ACACA: variants seen among roughly 807,000 people sequenced by gnomAD.
ACACA encodes acetyl-CoA carboxylase 1.
In ACACA, 103 loss-of-function variants were observed where a neutral mutation model predicts 296.1. The observed-to-expected ratio is 0.35, with a 90% CI of 0.30 to 0.41. The LOEUF (loss-of-function observed/expected upper bound fraction) is 0.41. ACACA is among the 10% of genes least tolerant of loss of function. ACACA has a pLI of 1.00. For missense variants in ACACA, 1,554 were observed against 2,989.7 expected (o/e 0.52, Z 11.20); for synonymous variants, 953 against 1,038.6 (o/e 0.92, Z 1.58).
chr17:37,229,501 C>CA (rs2079737938), intron 25 of ACACA, among the ~76,000 whole-genome samples: 1 of 151,716 alleles, frequency 6.6e-6, no homozygotes, highest in Non-Finnish European at 1.5e-5. Flanking sequence ...GATGGGGTTT[C>CA]ACCGTGTTAA....
intron 3 of ACACA, among the ~76,000 whole-genome samples, chr17:37,315,525 C>T (rs1183242606): frequency 6.6e-6 from 1 of 152,186 alleles, no homozygotes; most frequent in Non-Finnish European, 1.5e-5. Flanking sequence ...ACTTCAGATA[C>T]CAGTTGCAAA....
At chr17:37,197,544 C>T (rs952635936) in intron 35 of ACACA, among the ~76,000 whole-genome samples, 45 of 152,140 alleles carry the variant, frequency 3.0e-4, no homozygotes, top group African/African-American at 1.0e-3. Flanking sequence ...CTCTTTTTCA[C>T]AGTACACTAA....
At chr17:37,136,685 GT>G (rs2075347013) in intron 45 of ACACA, among the ~76,000 whole-genome samples, 1 of 152,058 alleles carries the variant, frequency 6.6e-6, no homozygotes, top group Non-Finnish European at 1.5e-5. Context: ...GCTCACACCT[GT>G]AATCCCAGCA....
At chr17:37,191,955 C>A (rs1361651892) in intron 37 of ACACA, 135 bp downstream of exon 37, 10 of 909,290 alleles carry the variant, frequency 1.1e-5, no homozygotes, top group Non-Finnish European at 1.3e-5. Context: ...GAACAAGAAC[C>A]TTGATTCAAA....
At chr17:37,221,601 AT>A in intron 29 of ACACA, 122 bp downstream of exon 29, 1 of 861,356 alleles carries the variant, frequency 1.2e-6, no homozygotes, top group South Asian at 1.4e-5. Flanking sequence ...TTTGGTTCAT[AT>A]TGTTCATTTT....
chr17:37,143,629 A>AG, intron 45 of ACACA: 2 of 867,694 alleles, frequency 2.3e-6, no homozygotes, highest in Non-Finnish European at 3.6e-6. Flanking sequence ...AGTTGTATAC[A>AG]GGGGGGTTAA....
intron 9 of ACACA, 40 bp from the exon 10 acceptor site, chr17:37,270,901 T>C (rs768652521): frequency 6.6e-7 from 1 of 1,515,680 alleles, no homozygotes; most frequent in South Asian, 1.1e-5. Context: ...GAAACAGTGT[T>C]ATTACCAGGG....
At position 37,265,372 on chromosome 17, in the gene ACACA, C is replaced by T. The variant is rs191253715; in HGVS notation, c.1120-1478G>A. Among the ~76,000 whole-genome samples, 202 of 152,248 alleles carry T rather than the reference C, an allele frequency of 1.3e-3. 3 individuals carry two copies. Among genetic ancestry groups the T allele is most frequent in the Non-Finnish European group, 2.4e-4 (16 of 68,018 alleles). On this transcript the variant is annotated intron_variant, in intron 10 of 55. Coordinates refer to ENST00000616317, the MANE Select transcript of ACACA (RefSeq NM_198834.3). ...ACCTCCCACATGCAAAATAGACTCACCCCCTCCCAAGACCCCCAAAGTCTC... is the reference window on the plus strand; with the variant it reads ...ACCTCCCACATGCAAAATAGACTCATCCCCTCCCAAGACCCCCAAAGTCTC...
In ACACA at chr17:37,188,300, C is replaced by T; in HGVS notation, c.4753G>A (p.Val1585Met). ...YYLDISLYKE[V>M]TDSRTAQIMF... The stretch of plus-strand genomic sequence containing the variant: ...ACCTGTGCTGTCCTGGAGTCAGTCA[C>T]TTCCTTGTATAGGCTGATATCCAAG... Residue 1585 changes from valine to methionine, a missense_variant, in exon 39 of 56, where the codon GTG becomes ATG. Val to Met is a conservative substitution (Grantham distance 21, BLOSUM62 1). Transcript: ENST00000616317. 6.2e-7 allele frequency: 1 copy of T among 1,614,108 alleles called. No homozygotes were observed. Among genetic ancestry groups the T allele is most frequent in the Non-Finnish European group, 8.5e-7 (1 of 1,180,006 alleles).
chr17:37,195,019 T>G (rs533250864), intron 35 of ACACA, among the ~76,000 whole-genome samples: 1 of 151,804 alleles, frequency 6.6e-6, no homozygotes, highest in Non-Finnish European at 1.5e-5. Flanking sequence ...TCGATAAATA[T>G]CATGCTCATG....
intron 3 of ACACA, among the ~76,000 whole-genome samples, chr17:37,289,744 T>A (rs1009035757): frequency 6.6e-6 from 1 of 152,194 alleles, no homozygotes; most frequent in African/African-American, 2.4e-5. Flanking sequence ...AATTCATTCT[T>A]CAAAATGCAA....
In ACACA at chr17:37,374,577, G is replaced by A. The variant is rs2049927160; in HGVS notation, c.38+31685C>T. ...GCTGGGATTACAGGCGTGAGCCACC[G>A]CGCCCGGCCCTTCATTCTCTTTTAT... On this transcript the variant is annotated intron_variant, in intron 1 of 55. Transcript: ENST00000616317. Among the ~76,000 whole-genome samples the A allele has an allele frequency of 3.9e-5, 6 of 152,106 alleles. 2 individuals carry two copies. The highest frequency in any genetic ancestry group is 3.9e-4 in the Admixed American group (6 of 15,262).
intron 1 of ACACA, among the ~76,000 whole-genome samples, chr17:37,398,545 A>G (rs1278444298): frequency 1.5e-5 from 2 of 137,106 alleles, no homozygotes; most frequent in Middle Eastern, 3.5e-3. Flanking sequence ...TTGGCCTCCA[A>G]AAGTGCTGGG....
intron 54 of ACACA, among the ~76,000 whole-genome samples, chr17:37,095,233 A>T (rs1258483384): frequency 6.6e-6 from 1 of 152,214 alleles, no homozygotes; most frequent in African/African-American, 2.4e-5. Flanking sequence ...TCTTAACTGG[A>T]GGACAAACTC....
chr17:37,153,345 GCAC>G (rs2144199670), intron 43 of ACACA, among the ~76,000 whole-genome samples: 1 of 152,262 alleles, frequency 6.6e-6, no homozygotes, highest in Non-Finnish European at 1.5e-5. Flanking sequence ...ACTCCCAGAA[GCAC>G]TACAAGATAT....
intron 29 of ACACA, among the ~76,000 whole-genome samples, chr17:37,214,233 G>C (rs2078884959): frequency 6.6e-6 from 1 of 152,144 alleles, no homozygotes; most frequent in African/African-American, 2.4e-5. Context: ...ATTTCTGCAG[G>C]AAAATCCAAA....
At chr17:37,368,058 G>A (rs2049670553) in intron 1 of ACACA, among the ~76,000 whole-genome samples, 1 of 151,676 alleles carries the variant, frequency 6.6e-6, no homozygotes, top group African/African-American at 2.4e-5. Context: ...GACAGAGTGA[G>A]ACTCCGTCTC....
chr17:37,333,343 AGAAAG>A (rs200168050), intron 2 of ACACA, among the ~76,000 whole-genome samples: 18,646 of 151,858 alleles, frequency 0.12, 1,755 homozygotes, highest in East Asian at 0.44. Flanking sequence ...CGGTGTCATC[AGAAAG>A]GAAAGGAAAG....
Position 37,113,923 on chromosome 17 carries a change from G to T in ACACA, c.6275-658C>A, listed in dbSNP as rs957184286. ...TCTTTAACAGTTGCATTTTTATAGG[G>T]TATCAATGAGAGAAAAATTTTAAAA... On this transcript the variant is annotated intron_variant, in intron 50 of 55. Coordinates refer to ENST00000616317, the MANE Select transcript of ACACA (RefSeq NM_198834.3). This position sits in a 1 kb window ranked among gnomAD's most constrained non-coding sequence, Gnocchi z 4.0. 6.6e-6 allele frequency among the ~76,000 whole-genome samples: 1 copy of T among 152,156 alleles called. No homozygotes were observed. The highest frequency in any genetic ancestry group is 1.5e-5 in the Non-Finnish European group (1 of 68,034).
Sources: gnomAD v4.1 joint callset for allele counts (sites outside exome capture counted in the v4.1 genomes callset) on GRCh38, gnomAD v4.1.1 for gene constraint, Gnocchi (gnomAD v3.1) non-coding constraint, MANE v1.5 for transcripts, NCBI Gene and HGNC (gene_info 2026-07-23, HGNC 2026-07-21) for gene names.